Variants in FAM53A observed in about 807,000 individuals in gnomAD.
FAM53A encodes protein FAM53A.
In FAM53A, 28 loss-of-function variants were observed where a neutral mutation model predicts 26.6. The observed-to-expected ratio is 1.05, with a 90% CI of 0.78 to 1.45. FAM53A has a LOEUF of 1.45. FAM53A is among the 40% of genes most tolerant of loss of function. The pLI is 0.00. For synonymous variants in FAM53A, 290 were observed against 253.1 expected (o/e 1.15, Z -1.38); for missense variants, 650 against 575.8 (o/e 1.13, Z -1.32).
chr4:1,677,913 C>T (rs1715152379), intron 1 of FAM53A, among the ~76,000 whole-genome samples: 1 of 152,024 alleles, frequency 6.6e-6, no homozygotes, highest in Non-Finnish European at 1.5e-5. Flanking sequence ...CCACTGCGCC[C>T]CAGCCTGGGT....
chr4:1,637,053 C>T (rs1303615543), downstream of FAM53A, among the ~76,000 whole-genome samples: 1 of 152,168 alleles, frequency 6.6e-6, no homozygotes, highest in African/African-American at 2.4e-5. Flanking sequence ...GCAGGCTCCT[C>T]TCCTGGTGAG....
the FAM53A span, among the ~76,000 whole-genome samples, chr4:1,597,694 G>A: frequency 2.0e-5 from 3 of 152,210 alleles, no homozygotes; most frequent in Non-Finnish European, 2.9e-5. Flanking sequence ...ACAGCCCATC[G>A]TCCCAAAGAA....
chr4:1,611,961 T>C, the FAM53A span, among the ~76,000 whole-genome samples: 1 of 152,232 alleles, frequency 6.6e-6, no homozygotes, highest in Non-Finnish European at 1.5e-5. Context: ...CAAGAATGTA[T>C]CGCACAAATC....
intron 1 of FAM53A, among the ~76,000 whole-genome samples, chr4:1,620,986 C>A (rs945642519): frequency 6.6e-6 from 1 of 152,122 alleles, no homozygotes; most frequent in Non-Finnish European, 1.5e-5. Flanking sequence ...CCCAAGGTCA[C>A]CTCATGGTTC....
the FAM53A span, among the ~76,000 whole-genome samples, chr4:1,582,315 GGACA>G: frequency 6.6e-6 from 1 of 152,210 alleles, no homozygotes; most frequent in African/African-American, 2.4e-5. Flanking sequence ...TAGCAGGGCT[GGACA>G]GAGTCCACGG....
the FAM53A span, among the ~76,000 whole-genome samples, chr4:1,607,191 G>A: frequency 1.3e-5 from 2 of 152,186 alleles, 1 homozygote. Context: ...GCTGATTTTT[G>A]TATTTTTAGT....
downstream of FAM53A, among the ~76,000 whole-genome samples, chr4:1,638,485 T>C (rs1406701981): frequency 1.3e-5 from 2 of 151,904 alleles, no homozygotes; most frequent in African/African-American, 4.8e-5. Flanking sequence ...GGCTCGGGCC[T>C]CAGGAGGAGC....
chr4:1,642,606 C>T (rs1711821261), intron 4 of FAM53A, among the ~76,000 whole-genome samples: 1 of 152,202 alleles, frequency 6.6e-6, no homozygotes, highest in Non-Finnish European at 1.5e-5. Flanking sequence ...CAGGTGTGTC[C>T]AGCTGGGGCA....
At chr4:1,637,360 C>T (rs112877792), downstream of FAM53A, among the ~76,000 whole-genome samples, 7 of 152,288 alleles carry the variant, frequency 4.6e-5, no homozygotes, top group African/African-American at 9.6e-5. Flanking sequence ...CCCACCTCCC[C>T]GGGTCTTCAG....
chr4:1,597,257 C>T, the FAM53A span, among the ~76,000 whole-genome samples: 1 of 152,134 alleles, frequency 6.6e-6, no homozygotes, highest in Non-Finnish European at 1.5e-5. Flanking sequence ...CGAGGGTCCC[C>T]TCACTCCCCT....
At chr4:1,651,532 TAA>T (rs34037321) in intron 4 of FAM53A, among the ~76,000 whole-genome samples, 45,301 of 145,234 alleles carry the variant, frequency 0.31, 7,434 homozygotes, top group African/African-American at 0.42. Flanking sequence ...AATTCTGTCT[TAA>T]AAAAAAAAAA....
intron 2 of FAM53A, among the ~76,000 whole-genome samples, chr4:1,666,785 G>A (rs1214646917): frequency 6.6e-6 from 1 of 152,208 alleles, no homozygotes; most frequent in African/African-American, 2.4e-5. Context: ...GCGGATCACT[G>A]ACCAGCCTCG....
intron 4 of FAM53A, among the ~76,000 whole-genome samples, chr4:1,643,334 CGG>C: frequency 6.6e-6 from 1 of 151,862 alleles, no homozygotes; most frequent in East Asian, 2.0e-4. Context: ...GGCGTGGTGG[CGG>C]GCGCCTGTAG....
In FAM53A at chr4:1,655,120, G is replaced by C; in HGVS notation, c.740C>G (p.Pro247Arg). 6.3e-7 allele frequency: 1 copy of C among 1,597,312 alleles called. No homozygotes were observed. Among genetic ancestry groups the C allele is most frequent in the Non-Finnish European group, 8.5e-7 (1 of 1,172,232 alleles). Residue 247 changes from proline to arginine, a missense_variant, in exon 4 of 5, where the codon CCT becomes CGT. Coordinates refer to ENST00000308132, the MANE Select transcript of FAM53A (RefSeq NM_001174070.3). ...CAGCCCACGGCGCCCGCCCAGCGCA[G>C]GCGTGGACGTGGGGCTGCTGCTGGC... ...PWASSSPTST[P>R]ALGGRRGLLR... is the part of the protein sequence containing the mutation.
chr4:1,679,314 G>A (rs1054911277), intron 1 of FAM53A, among the ~76,000 whole-genome samples: 3 of 148,464 alleles, frequency 2.0e-5, no homozygotes, highest in African/African-American at 7.5e-5. Context: ...TTGAACCCAG[G>A]AGCTGAGGTT....
At chr4:1,645,178 A>G (rs1385602370) in intron 4 of FAM53A, among the ~76,000 whole-genome samples, 4 of 150,472 alleles carry the variant, frequency 2.7e-5, no homozygotes, top group African/African-American at 9.8e-5. Context: ...AGAGCCAAGC[A>G]CCTCCCTCCT....
At position 1,655,241 on chromosome 4, in the gene FAM53A, G is replaced by A. The variant is rs1213002692; in HGVS notation, c.619C>T (p.Leu207Phe). 2 of 1,505,518 alleles carry A rather than the reference G, an allele frequency of 1.3e-6. No homozygotes were observed. The highest frequency in any genetic ancestry group is 1.4e-5 in the African/African-American group (1 of 70,228). The allele number at this position is 1,505,518 out of a possible 1,614,324, so 93.3% of individuals were successfully genotyped here. Residue 207 changes from leucine to phenylalanine, a missense_variant, in exon 4 of 5, where the codon CTC becomes TTC. Physicochemically the swap from Leu to Phe is conservative, Grantham distance 22. Coordinates refer to ENST00000308132, the MANE Select transcript of FAM53A (RefSeq NM_001174070.3). ...SSEGSAGSGP[L>F]WCSAESCLPS... ...AAGCAGGACTCCGCGGAACACCAGAGCGGGCCTGAGCCCGCACTGCCCTCG... is the reference window on the plus strand; with the variant it reads ...AAGCAGGACTCCGCGGAACACCAGAACGGGCCTGAGCCCGCACTGCCCTCG...
chr4:1,625,326 AG>A (rs1410653798), intron 1 of FAM53A, among the ~76,000 whole-genome samples: 9 of 34,028 alleles, frequency 2.6e-4, no homozygotes, highest in African/African-American at 1.5e-3. Flanking sequence ...CCACGTGGTC[AG>A]GGGTCACACC....
chr4:1,641,748 T>C (rs1434209545), intron 4 of FAM53A, 141 bp from the exon 5 acceptor site: 5 of 811,956 alleles, frequency 6.2e-6, no homozygotes, highest in Non-Finnish European at 1.0e-5. Context: ...TGGTCCCCTG[T>C]ACACCAGCCA....
Sources: allele counts gnomAD v4.1 joint callset (sites outside exome capture counted in the v4.1 genomes callset), GRCh38; gene constraint gnomAD v4.1.1; transcripts MANE v1.5; gene names NCBI Gene and HGNC (gene_info 2026-07-23, HGNC 2026-07-21).